UQCRC1: variants seen among roughly 807,000 people sequenced by gnomAD.
UQCRC1 encodes ubiquinol-cytochrome c reductase core protein 1.
UQCRC1 carries 34 observed loss-of-function variants against 58.0 expected under a neutral mutation model. The observed-to-expected ratio is 0.59, with a 90% CI of 0.45 to 0.78. The LOEUF is 0.78. UQCRC1 is among the 30% of genes least tolerant of loss of function. The pLI, the probability that UQCRC1 is intolerant of heterozygous loss-of-function variation, is 0.00. For missense variants in UQCRC1, 610 were observed against 646.0 expected (o/e 0.94, Z 0.60); for synonymous variants, 276 against 248.8 (o/e 1.11, Z -1.03).
At chr3:48,607,203 G>A (rs575173937) in intron 2 of UQCRC1, among the ~76,000 whole-genome samples, 1,596 of 152,120 alleles carry the variant, frequency 0.01, 17 homozygotes, top group Non-Finnish European at 0.017. Context: ...CACCACGCCC[G>A]GCTAATTTTT....
At chr3:48,600,295 T>C (rs2046352176) in intron 10 of UQCRC1, 144 bp from the exon 11 acceptor site, 12 of 1,099,376 alleles carry the variant, frequency 1.1e-5, no homozygotes, top group Non-Finnish European at 1.5e-5. Context: ...TATGGTCACC[T>C]ATTATGGCAG....
intron 2 of UQCRC1, among the ~76,000 whole-genome samples, chr3:48,606,695 G>A (rs943615915): frequency 6.7e-6 from 1 of 149,890 alleles, no homozygotes; most frequent in Non-Finnish European, 1.5e-5. Context: ...AGTGAGCCAA[G>A]ATCGTGCCAC....
chr3:48,599,206 G>T lies in UQCRC1; in HGVS notation c.1379-14C>A, dbSNP rs772560738. The stretch of plus-strand genomic sequence containing the variant: ...GCTCAATGGGGCCTGTGGGGATAGG[G>T]TGGAGCGTCAGGGTGGGGTACCTGG... On this transcript the variant is annotated splice_polypyrimidine_tract_variant and intron_variant, in intron 12 of 12. Transcript: ENST00000203407. 6.3e-7 allele frequency: 1 copy of T among 1,590,328 alleles called. No homozygotes were observed. The highest frequency in any genetic ancestry group is 1.1e-5 in the South Asian group (1 of 88,404).
chr3:48,603,772 C>A (rs1575513248), intron 5 of UQCRC1, 129 bp from the exon 6 acceptor site: 2 of 848,166 alleles, frequency 2.4e-6, no homozygotes, highest in Non-Finnish European at 3.8e-6. Context: ...CCCTAGCACA[C>A]TCCCCAACCC....
At chr3:48,603,988 C>T (rs1028340873) in intron 5 of UQCRC1, 1 of 593,796 alleles carries the variant, frequency 1.7e-6, no homozygotes, top group African/African-American at 1.9e-5. Context: ...GACACCCAGA[C>T]ACTTCGCCCT....
chr3:48,602,494 G>A (rs936178764), intron 6 of UQCRC1, among the ~76,000 whole-genome samples: 5 of 150,262 alleles, frequency 3.3e-5, no homozygotes, highest in Admixed American at 1.3e-4. Flanking sequence ...ACACTCAGCC[G>A]CCAAGGTCAT....
intron 5 of UQCRC1, 154 bp downstream of exon 5, chr3:48,604,079 G>C (rs1288211681): frequency 3.8e-6 from 3 of 798,324 alleles, no homozygotes; most frequent in African/African-American, 3.5e-5. Flanking sequence ...CATTAAAAAA[G>C]ACTCACTGGA....
In UQCRC1 at chr3:48,609,566, G is replaced by T. The variant is rs1340028411; in HGVS notation, c.55C>A (p.Arg19Ser). 6.4e-7 allele frequency: 1 copy of T among 1,566,106 alleles called. No individual in the cohort carries two copies. Among genetic ancestry groups the T allele is most frequent in the Admixed American group, 1.8e-5 (1 of 55,344 alleles). ...AATAGAQVLL[R>S]ARRSPALLRT... The stretch of plus-strand genomic sequence containing the variant: ...CACCACCTCACCGAGCGGCGGGCGC[G>T]CAATAGCACTTGTGCCCCGGCGGTA... Residue 19 changes from arginine to serine, a missense_variant, in exon 1 of 13, where the codon CGC becomes AGC. Transcript: ENST00000203407.
intron 6 of UQCRC1, among the ~76,000 whole-genome samples, chr3:48,602,856 C>T (rs1212360350): frequency 1.3e-5 from 2 of 152,066 alleles, no homozygotes; most frequent in African/African-American, 4.8e-5. Flanking sequence ...AGTTCCTTAC[C>T]CATGTCCAGA....
chr3:48,603,987 A>C, intron 5 of UQCRC1: 1 of 593,236 alleles, frequency 1.7e-6, no homozygotes, highest in Non-Finnish European at 3.0e-6. Context: ...GGACACCCAG[A>C]CACTTCGCCC....
Position 48,599,037 on chromosome 3 carries a change from G to T in UQCRC1, c.*91C>A. The T allele has an allele frequency of 7.0e-7, 1 of 1,437,266 alleles. No individual in the cohort carries two copies. Among genetic ancestry groups the T allele is most frequent in the Non-Finnish European group, 9.6e-7 (1 of 1,038,122 alleles). The allele number at this position is 1,437,266 out of a possible 1,614,324, so 89.0% of individuals were successfully genotyped here. ...AGGATTTTATTGGTGGTCACCTGTG[G>T]CACAGGTTAGAGGAGCCGAAGTGCT... On this transcript the variant is annotated 3_prime_UTR_variant, in exon 13 of 13. Coordinates refer to ENST00000203407, the MANE Select transcript of UQCRC1 (RefSeq NM_003365.3).
chr3:48,609,101 C>T (rs150845346), intron 2 of UQCRC1, 61 bp downstream of exon 2: 2 of 1,557,680 alleles, frequency 1.3e-6, no homozygotes, highest in African/African-American at 1.4e-5. Context: ...CACACCCCAA[C>T]CAGGGAAAAG....
At chr3:48,601,216 G>A in intron 7 of UQCRC1, 98 bp from the exon 8 acceptor site, 2 of 1,539,350 alleles carry the variant, frequency 1.3e-6, no homozygotes, top group Non-Finnish European at 1.8e-6. Flanking sequence ...GTGAACATGT[G>A]TGCCTGTGAT....
At chr3:48,601,680 C>A (rs1187134174) in intron 6 of UQCRC1, among the ~76,000 whole-genome samples, 2 of 152,232 alleles carry the variant, frequency 1.3e-5, no homozygotes, top group Non-Finnish European at 2.9e-5. Context: ...GCTCCCATGG[C>A]CTCAGTCCCA....
chr3:48,603,419 A>T (rs2046383328), intron 6 of UQCRC1, 145 bp downstream of exon 6: 4 of 731,022 alleles, frequency 5.5e-6, no homozygotes. Context: ...CAGAGAGCAC[A>T]GGAGGAAGGT....
rs1194719593 is a variant in UQCRC1 at position 48,599,137 on chromosome 3, C to T, written c.1434G>A (p.Leu478=). ...TACATAGGCTTCCCGCCTAGAAGCG[C>T]AGCCAGAACATGCCGCTACGGATCC... ...YNRIRSGMFW[L]RF The change falls in exon 13 of 13, where the codon CTG becomes CTA. Residue 478 remains leucine (L), a synonymous_variant. Transcript: ENST00000203407. 3.1e-6 allele frequency: 5 copies of T among 1,612,396 alleles called. No individual in the cohort carries two copies. The Admixed American group carries it at 8.4e-5, about 27-fold the overall frequency.
rs374960172 is a variant in UQCRC1 at position 48,603,608 on chromosome 3, C to G, written c.662G>C (p.Ser221Thr). The change falls in exon 6 of 13, where the codon AGC becomes ACC. Residue 221 changes from serine (S) to threonine (T), a missense_variant. Physicochemically the swap from Ser to Thr is moderately conservative, Grantham distance 58 (BLOSUM62 1). Transcript: ENST00000203407. ...CATTCGAGGGGCCTTGTAATGTGTG[C>G]TGAGGTACTCGGTCAAGTCTGCACG... The part of the protein sequence containing the change: ...LSRADLTEYL[S>T]THYKAPRMVL... The G allele has an allele frequency of 6.2e-6, 10 of 1,614,024 alleles. No individual in the cohort carries two copies. Among genetic ancestry groups the G allele is most frequent in the Non-Finnish European group, 8.5e-6 (10 of 1,179,984 alleles).
rs555105971 is a variant in UQCRC1, at chr3:48,599,259, C to A, written c.1379-67G>T. The A allele has an allele frequency of 2.0e-6, 3 of 1,491,798 alleles. No homozygotes were observed. In the South Asian group the frequency reaches 3.9e-5, roughly 20 times the overall value. The allele number at this position is 1,491,798 out of a possible 1,614,324, so 92.4% of individuals were successfully genotyped here. A position where few individuals can be genotyped will look rare whatever the true frequency, so the allele number is the denominator to read the frequency against. On this transcript the variant is annotated intron_variant, in intron 12 of 12. Coordinates refer to ENST00000203407, the MANE Select transcript of UQCRC1 (RefSeq NM_003365.3). ...TGCACAGGGACACCTGGCCCTGTGC[C>A]GCACCCAGCTCGGAGATGCTGCCCA...
intron 1 of UQCRC1, 92 bp from the exon 2 acceptor site, chr3:48,609,394 A>C (rs957524204): frequency 6.6e-7 from 1 of 1,525,786 alleles, no homozygotes; most frequent in African/African-American, 1.4e-5. Context: ...CCCCGCCCCT[A>C]GGCAAGCGGC....
Sources: gnomAD v4.1 joint callset for allele counts (sites outside exome capture counted in the v4.1 genomes callset) on GRCh38, gnomAD v4.1.1 for gene constraint, MANE v1.5 for transcripts, NCBI Gene and HGNC (gene_info 2026-07-23, HGNC 2026-07-21) for gene names.